TOX: variants seen among roughly 807,000 people sequenced by gnomAD.
TOX encodes thymocyte selection-associated high mobility group box protein TOX.
A neutral mutation model predicts 53.7 loss-of-function variants in TOX; 11 were observed. The ratio of observed to expected loss-of-function variants is 0.20; its 90% CI spans 0.13 to 0.34. TOX has a LOEUF of 0.34. Ranked by LOEUF, TOX falls within the 10% of genes least tolerant of loss-of-function variation. TOX has a pLI of 1.00. For missense variants in TOX, 570 were observed against 664.6 expected (o/e 0.86, Z 1.56); for synonymous variants, 225 against 245.3 (o/e 0.92, Z 0.77).
intron 3 of TOX, among the ~76,000 whole-genome samples, chr8:58,899,863 CT>C (rs1214054221): frequency 2.0e-5 from 3 of 152,160 alleles, no homozygotes; most frequent in Non-Finnish European, 4.4e-5. Flanking sequence ...AGGCTATCAG[CT>C]GGAAAATTCA....
intron 1 of TOX, among the ~76,000 whole-genome samples, chr8:59,116,263 T>C (rs963904296): frequency 3.9e-5 from 6 of 152,254 alleles, no homozygotes; most frequent in Admixed American, 2.0e-4. Context: ...ACAAACTGAC[T>C]GCTATTTGTA....
intron 1 of TOX, among the ~76,000 whole-genome samples, chr8:59,088,703 T>G (rs1018950781): frequency 2.0e-5 from 3 of 152,206 alleles, no homozygotes; most frequent in Non-Finnish European, 4.4e-5. Context: ...CATTTTCAAT[T>G]AACACGAACA....
chr8:58,848,267 G>A (rs1007062171), intron 4 of TOX, among the ~76,000 whole-genome samples: 2 of 151,654 alleles, frequency 1.3e-5, no homozygotes, highest in African/African-American at 4.8e-5. Context: ...TCTCAAAATG[G>A]GAAATTATGT....
rs763371783 is a variant in TOX at position 59,107,054 on chromosome 8, G to GGA, written c.102+11831_102+11832insTC. ...CTTATAAAGCAGTTTGCTGGGGGGG[G>GGA]GGGGAACGTGACATTTCTAATTCAT... On this transcript the variant is annotated intron_variant, in intron 1 of 8. Coordinates refer to ENST00000361421, the MANE Select transcript of TOX (RefSeq NM_014729.3). Among the ~76,000 whole-genome samples the GGA allele has an allele frequency of 2.2e-3, 281 of 128,158 alleles. 29 individuals carry two copies. The Middle Eastern group carries it at 0.029, about 13-fold the overall frequency. 84.1% of individuals were successfully genotyped at this position (128,158 alleles called of 152,430 possible).
intron 4 of TOX, among the ~76,000 whole-genome samples, chr8:58,849,661 G>A (rs527871081): frequency 3.9e-5 from 6 of 152,048 alleles, no homozygotes; most frequent in African/African-American, 9.7e-5. Flanking sequence ...GGAATAATCC[G>A]GTATACAATT....
rs1585852889 is a variant in TOX at position 58,838,260 on chromosome 8, T to G, written c.745A>C (p.Thr249Pro). The change falls in exon 5 of 9, where the codon ACT becomes CCT. Residue 249 changes from threonine to proline, a missense_variant. This residue lies in a region of TOX where 282 missense variants were observed against 315.0 expected (regional missense o/e 0.90). Coordinates refer to ENST00000361421, the MANE Select transcript of TOX (RefSeq NM_014729.3). ...PASDMGKKPKTPKKKKKKDPN... is the reference protein window; with the variant it reads ...PASDMGKKPKPPKKKKKKDPN... ...TCCTTCTTCTTCTTCTTTTTGGGAG[T>G]TTTTGGTTTTTTCCCCATATCAGAG... is the stretch of plus-strand genomic sequence containing the variant. 1 of 1,613,924 alleles carries G rather than the reference T, an allele frequency of 6.2e-7. No homozygotes were observed. The highest frequency in any genetic ancestry group is 8.5e-7 in the Non-Finnish European group (1 of 1,179,982).
intron 1 of TOX, among the ~76,000 whole-genome samples, chr8:58,978,605 CT>C (rs1404418464): frequency 6.6e-6 from 1 of 152,164 alleles, no homozygotes; most frequent in Non-Finnish European, 1.5e-5. Context: ...TTAAGAGCAG[CT>C]TTAGGTACAC....
intron 2 of TOX, among the ~76,000 whole-genome samples, chr8:58,959,580 A>C (rs1031193854): frequency 6.6e-6 from 1 of 152,238 alleles, no homozygotes; most frequent in African/African-American, 2.4e-5. Context: ...TGATAATTAA[A>C]GCTATTTGTG....
At chr8:59,111,354 A>G (rs1325741456) in intron 1 of TOX, among the ~76,000 whole-genome samples, 2 of 152,144 alleles carry the variant, frequency 1.3e-5, no homozygotes, top group African/African-American at 2.4e-5. Context: ...AAGATTCTCA[A>G]CAGCATCTTC....
At chr8:58,991,099 C>G (rs2129417406) in intron 1 of TOX, among the ~76,000 whole-genome samples, 1 of 152,294 alleles carries the variant, frequency 6.6e-6, no homozygotes, top group Non-Finnish European at 1.5e-5. Flanking sequence ...TAGGCTCAAA[C>G]TCAGGCAGAA....
intron 3 of TOX, among the ~76,000 whole-genome samples, chr8:58,922,529 A>AAC (rs546193024): frequency 1.3e-5 from 2 of 152,114 alleles, no homozygotes; most frequent in South Asian, 4.1e-4. Context: ...CACACACACA[A>AAC]ACACACACAT....
chr8:59,108,271 G>T (rs1186636138), intron 1 of TOX, among the ~76,000 whole-genome samples: 1 of 152,142 alleles, frequency 6.6e-6, no homozygotes, highest in Non-Finnish European at 1.5e-5. Flanking sequence ...AATATCAATT[G>T]CTTGCCAGAG....
chr8:58,867,030 T>C (rs1266888357), intron 3 of TOX, among the ~76,000 whole-genome samples: 1 of 152,224 alleles, frequency 6.6e-6, no homozygotes, highest in Non-Finnish European at 1.5e-5. Flanking sequence ...GTTTAGAGCC[T>C]ATTATAGGAG....
intron 3 of TOX, among the ~76,000 whole-genome samples, chr8:58,863,449 C>T (rs1234246243): frequency 6.6e-6 from 1 of 152,150 alleles, no homozygotes; most frequent in Non-Finnish European, 1.5e-5. Context: ...GAAACTGTTA[C>T]AGTCGCCACT....
At chr8:58,825,710 T>A (rs1444869879) in intron 6 of TOX, among the ~76,000 whole-genome samples, 1 of 152,252 alleles carries the variant, frequency 6.6e-6, no homozygotes, top group South Asian at 2.1e-4. Flanking sequence ...AATATCCACA[T>A]GACTATTTAA....
intron 1 of TOX, among the ~76,000 whole-genome samples, chr8:59,068,942 G>A (rs913854787): frequency 2.0e-5 from 3 of 152,170 alleles, no homozygotes; most frequent in East Asian, 3.9e-4. Context: ...AGAGTCAGTC[G>A]GATGAAGCAG....
intron 1 of TOX, among the ~76,000 whole-genome samples, chr8:59,063,623 C>T (rs1303240596): frequency 6.6e-6 from 1 of 151,890 alleles, no homozygotes; most frequent in South Asian, 2.1e-4. Flanking sequence ...GGGGTTTCAC[C>T]ATGTTAGCCA....
intron 1 of TOX, among the ~76,000 whole-genome samples, chr8:59,096,873 A>G (rs1392542571): frequency 6.6e-6 from 1 of 152,242 alleles, no homozygotes; most frequent in African/African-American, 2.4e-5. Flanking sequence ...CTACACACAC[A>G]AATCTACAGG....
intron 1 of TOX, among the ~76,000 whole-genome samples, chr8:59,035,818 C>A (rs935633748): frequency 6.6e-6 from 1 of 152,228 alleles, no homozygotes; most frequent in Non-Finnish European, 1.5e-5. Context: ...CAAAGAAGGA[C>A]AATGACAGCT....
Sources: allele counts gnomAD v4.1 joint callset (sites outside exome capture counted in the v4.1 genomes callset), GRCh38; gene constraint gnomAD v4.1.1; regional missense constraint gnomAD v4.1.1; transcripts MANE v1.5; gene names NCBI Gene and HGNC (gene_info 2026-07-23, HGNC 2026-07-21).